The following BPIFB6 variants were observed in gnomAD, a reference collection of about 807,000 sequenced individuals.
The protein encoded by BPIFB6 is BPI fold-containing family B member 6.
Under a neutral mutation model 54.7 loss-of-function variants are expected in BPIFB6, and 47 were observed. The observed-to-expected ratio is 0.86, with a 90% CI of 0.68 to 1.10. The LOEUF is 1.10. Ranked by LOEUF, BPIFB6 falls within the 50% of genes least tolerant of loss-of-function variation. The probability of loss-of-function intolerance (pLI) is 0.00; values close to 1 mark genes in which losing one functional copy is unlikely to be tolerated. For synonymous variants in BPIFB6, 255 were observed against 225.9 expected (o/e 1.13, Z -1.16); for missense variants, 603 against 564.1 (o/e 1.07, Z -0.70).
At chr20:33,039,291 A>T (rs1979474235) in intron 9 of BPIFB6, 56 bp from the exon 10 acceptor site, 11 of 1,522,650 alleles carry the variant, frequency 7.2e-6, no homozygotes, top group Non-Finnish European at 9.7e-6. Context: ...CCCTTATTTC[A>T]ACTGAAGCCA....
chr20:33,042,132 T>C, intron 12 of BPIFB6, 117 bp downstream of exon 12: 3 of 1,028,070 alleles, frequency 2.9e-6, no homozygotes, highest in Non-Finnish European at 4.5e-6. Flanking sequence ...GCAAGGCCAC[T>C]GTGAGGCGTG....
At chr20:33,043,868 T>A (rs1480675392) in intron 14 of BPIFB6, 147 bp from the exon 15 acceptor site, 1 of 970,934 alleles carries the variant, frequency 1.0e-6, no homozygotes, top group Admixed American at 1.9e-5. Context: ...TGAAGTGACC[T>A]CTCCAGGGTC....
In BPIFB6 at chr20:33,043,996, C is replaced by G. The variant is rs766039238; in HGVS notation, c.1330-19C>G. 1 of 1,614,158 alleles carries G rather than the reference C, an allele frequency of 6.2e-7. No individual in the cohort carries two copies. Among genetic ancestry groups the G allele is most frequent in the Non-Finnish European group, 8.5e-7 (1 of 1,180,006 alleles). ...GTGGTCCCTGGTCATTGCTCTCCTA[C>G]CCCTTTGCCTTTTGCCAGAATGCCC... is the stretch of plus-strand genomic sequence containing the variant. On this transcript the variant is annotated intron_variant, in intron 14 of 14. Transcript: ENST00000349552.
chr20:33,043,832 G>T (rs540041020), intron 14 of BPIFB6, among the ~76,000 whole-genome samples, 183 bp from the exon 15 acceptor site: 3 of 152,316 alleles, frequency 2.0e-5, no homozygotes, highest in Non-Finnish European at 4.4e-5. Flanking sequence ...TCACTTAACA[G>T]TTGAGAAAAT....
At chr20:33,043,498 C>A in intron 14 of BPIFB6, 131 bp downstream of exon 14, 1 of 788,090 alleles carries the variant, frequency 1.3e-6, no homozygotes, top group Non-Finnish European at 2.2e-6. Flanking sequence ...TATAATCCTG[C>A]CCCTCAGAAT....
intron 8 of BPIFB6, 150 bp downstream of exon 8, chr20:33,037,888 A>G (rs1979413563): frequency 2.5e-6 from 2 of 796,044 alleles, no homozygotes; most frequent in Non-Finnish European, 4.0e-6. Flanking sequence ...TCAGCAGTTC[A>G]TCTCACTATC....
intron 4 of BPIFB6, 73 bp downstream of exon 4, chr20:33,034,985 CA>C: frequency 6.2e-7 from 1 of 1,605,640 alleles, no homozygotes; most frequent in Non-Finnish European, 8.5e-7. Flanking sequence ...CTTCCTGAGC[CA>C]TGGAACCCCC....
chr20:33,033,016 C>G lies in BPIFB6; in HGVS notation c.130C>G (p.Leu44Val). ...GAGCGCCATGGATGAGAGTCATATC[C>G]TGGAGAAGATGGCAGCCGAGGCAGG... The part of the protein sequence containing the change: ...VQSAMDESHI[L>V]EKMAAEAGKK... The change falls in exon 2 of 15, where the codon CTG (leucine) becomes GTG (valine). Residue 44 changes from leucine to valine, a missense_variant. Coordinates refer to ENST00000349552, the MANE Select transcript of BPIFB6 (RefSeq NM_174897.2). 1 of 1,614,042 alleles carries G rather than the reference C, an allele frequency of 6.2e-7. No homozygotes were observed. Among genetic ancestry groups the G allele is most frequent in the South Asian group, 1.1e-5 (1 of 91,076 alleles).
chr20:33,036,736 C>T (rs1301300967), intron 7 of BPIFB6, among the ~76,000 whole-genome samples, 200 bp downstream of exon 7: 4 of 152,186 alleles, frequency 2.6e-5, no homozygotes, highest in Non-Finnish European at 5.9e-5. Flanking sequence ...ACCTTCAGTG[C>T]CCCAGCTGGC....
rs557888176 is a variant in BPIFB6, at chr20:33,031,723, T to C, written c.76T>C (p.Leu26=). The change falls in exon 1 of 15, where the codon TTG becomes CTG. Residue 26 remains leucine, a synonymous_variant. Transcript: ENST00000349552. ...AGCTGACCCTGGGGCACTGCTGCGGTTGGGCATGGACATCATGAACCGTGG... is the reference window on the plus strand; with the variant it reads ...AGCTGACCCTGGGGCACTGCTGCGGCTGGGCATGGACATCATGAACCGTGG... ...TRADPGALLR[L]GMDIMNQVQS... 37 of 1,614,092 alleles carry C rather than the reference T, an allele frequency of 2.3e-5. No individual in the cohort carries two copies. The highest frequency in any genetic ancestry group is 3.1e-5 in the Non-Finnish European group (36 of 1,179,992).
Position 33,035,119 on chromosome 20 carries a change from C to T in BPIFB6, c.491C>T (p.Thr164Ile). 3 of 1,613,940 alleles carry T rather than the reference C, an allele frequency of 1.9e-6. No homozygotes were observed. The highest frequency in any genetic ancestry group is 2.5e-6 in the Non-Finnish European group (3 of 1,180,014). Residue 164 changes from threonine (T) to isoleucine (I), a missense_variant, in exon 5 of 15, where the codon ACC (threonine) becomes ATC (isoleucine). Physicochemically the swap from Thr to Ile is moderately conservative, Grantham distance 89 (BLOSUM62 -1). Transcript: ENST00000349552. ...ATGGTCAACAAGTTCCTGGACAGCACCCTGCACAAAGTCCTCCCTGGGCTG... is the reference window on the plus strand; with the variant it reads ...ATGGTCAACAAGTTCCTGGACAGCATCCTGCACAAAGTCCTCCCTGGGCTG... ...PKMVNKFLDS[T>I]LHKVLPGLMC...
intron 1 of BPIFB6, 59 bp downstream of exon 1, chr20:33,031,803 G>A: frequency 2.1e-6 from 3 of 1,407,470 alleles, no homozygotes; most frequent in Non-Finnish European, 3.0e-6. Context: ...GTAGGTGGTA[G>A]GTAGTCACTG....
Position 33,037,435 on chromosome 20 carries a change from T to C in BPIFB6, c.670-127T>C, listed in dbSNP as rs1600525223. 3 of 928,952 alleles carry C rather than the reference T, an allele frequency of 3.2e-6. No individual in the cohort carries two copies. In the East Asian group the frequency reaches 7.9e-5, roughly 24 times the overall value. 57.5% of individuals were successfully genotyped at this position (928,952 alleles called of 1,614,324 possible). A position where few individuals can be genotyped will look rare whatever the true frequency, so the allele number is the denominator to read the frequency against. On this transcript the variant is annotated intron_variant, in intron 7 of 14. Transcript: ENST00000349552. ...CCCACTGTAGCCCATTGTGGTTCTCTTAATAAGATTTAATGATTTGCTGAC... is the reference window on the plus strand; with the variant it reads ...CCCACTGTAGCCCATTGTGGTTCTCCTAATAAGATTTAATGATTTGCTGAC...
At chr20:33,032,936 A>C (rs927706320) in intron 1 of BPIFB6, 48 bp from the exon 2 acceptor site, 2 of 1,470,352 alleles carry the variant, frequency 1.4e-6, no homozygotes, top group African/African-American at 2.8e-5. Context: ...GGGATACCTG[A>C]GTGATTGGCC....
rs766606038 is a variant in BPIFB6, at chr20:33,031,683, G to A, written c.36G>A (p.Leu12=). Residue 12 remains leucine, a synonymous_variant, in exon 1 of 15, where the codon CTG becomes CTA. Coordinates refer to ENST00000349552, the MANE Select transcript of BPIFB6 (RefSeq NM_174897.2). ...TCCTGTGCCTGGCACTCTGCAGCCTGCTGACTGGCACGCGAGCTGACCCTG... is the reference window on the plus strand; with the variant it reads ...TCCTGTGCCTGGCACTCTGCAGCCTACTGACTGGCACGCGAGCTGACCCTG... ...LRILCLALCS[L]LTGTRADPGA... is the part of the protein sequence containing the mutation. 1 of 1,614,060 alleles carries A rather than the reference G, an allele frequency of 6.2e-7. No homozygotes were observed. Among genetic ancestry groups the A allele is most frequent in the Non-Finnish European group, 8.5e-7 (1 of 1,179,986 alleles).
In BPIFB6 at chr20:33,031,671, A is replaced by G. The variant is rs1568984067; in HGVS notation, c.24A>G (p.Ala8=). The G allele has an allele frequency of 2.5e-6, 4 of 1,613,878 alleles. No homozygotes were observed. The South Asian group carries it at 4.4e-5, about 18-fold the overall frequency. The change falls in exon 1 of 15, where the codon GCA becomes GCG. Residue 8 remains alanine, a synonymous_variant. Coordinates refer to ENST00000349552, the MANE Select transcript of BPIFB6 (RefSeq NM_174897.2). The part of the protein sequence containing the change: MLRILCL[A]LCSLLTGTRA... ...CCATGCTGCGGATCCTGTGCCTGGC[A>G]CTCTGCAGCCTGCTGACTGGCACGC... is the stretch of plus-strand genomic sequence containing the variant.
At position 33,042,841 on chromosome 20, in the gene BPIFB6, C is replaced by T; in HGVS notation, c.1215C>T (p.Thr405=). The change falls in exon 13 of 15, where the codon ACC becomes ACT. Residue 405 remains threonine (T), a synonymous_variant. Transcript: ENST00000349552. Reference sequence around the variant, plus strand: ...AGAGGGAATTAACTGGCTTCATCACCAGCTATCTCGAAGAAGCCTACATCC... The same window carrying T: ...AGAGGGAATTAACTGGCTTCATCACTAGCTATCTCGAAGAAGCCTACATCC... ...FNERELTGFI[T]SYLEEAYIPV... is the part of the protein sequence containing the mutation. 6.2e-7 allele frequency: 1 copy of T among 1,614,140 alleles called. No individual in the cohort carries two copies. Among genetic ancestry groups the T allele is most frequent in the Non-Finnish European group, 8.5e-7 (1 of 1,179,980 alleles).
intron 8 of BPIFB6, among the ~76,000 whole-genome samples, chr20:33,038,305 C>T (rs1230647068): frequency 1.2e-4 from 19 of 152,162 alleles, no homozygotes; most frequent in Admixed American, 1.2e-3. Flanking sequence ...CTGATCTATC[C>T]ATTCATCTTC....
At chr20:33,033,465 C>G in intron 2 of BPIFB6, 1 of 454,386 alleles carries the variant, frequency 2.2e-6, no homozygotes, top group South Asian at 1.6e-5. Context: ...GAAACTGGTT[C>G]CTCTGCCAGT....
Sources: allele counts gnomAD v4.1 joint callset (sites outside exome capture counted in the v4.1 genomes callset), GRCh38; gene constraint gnomAD v4.1.1; transcripts MANE v1.5; gene names NCBI Gene and HGNC (gene_info 2026-07-23, HGNC 2026-07-21).